ZNF804A: variants seen among roughly 807,000 people sequenced by gnomAD.
ZNF804A encodes the protein zinc finger protein 804A.
Under a neutral mutation model 16.5 loss-of-function variants are expected in ZNF804A, and 2 were observed. The ratio of observed to expected loss-of-function variants is 0.12; its 90% CI spans 0.05 to 0.38. ZNF804A has a LOEUF of 0.38. Ranked by LOEUF, ZNF804A falls within the 10% of genes least tolerant of loss-of-function variation. The probability of loss-of-function intolerance (pLI) is 0.99; values close to 1 mark genes in which losing one functional copy is unlikely to be tolerated. For synonymous variants in ZNF804A, 534 were observed against 489.6 expected (o/e 1.09, Z -1.20); for missense variants, 1,473 against 1,390.7 (o/e 1.06, Z -0.94).
rs1574207659 is a variant in ZNF804A at position 184,777,523 on chromosome 2, A to T, written c.112-88846A>T. On this transcript the variant is annotated intron_variant, in intron 1 of 3. Transcript: ENST00000302277. ...TTCACTTCTATCTTTACCTCATACC[A>T]ATGCCCAGTGTCCTAACTCTGAAAA... Among the ~76,000 whole-genome samples, 4 of 151,520 alleles carry T rather than the reference A, an allele frequency of 2.6e-5. No homozygotes were observed. In the East Asian group the frequency reaches 7.8e-4, roughly 30 times the overall value.
rs574409513 is a variant in ZNF804A at position 184,739,353 on chromosome 2, A to C, written c.112-127016A>C. Among the ~76,000 whole-genome samples the C allele has an allele frequency of 1.8e-4, 27 of 152,302 alleles. No individual in the cohort carries two copies. In the South Asian group the frequency reaches 5.2e-3, roughly 29 times the overall value. ...TTGGCTATTGTTAATAATTCCTGCC[A>C]TATGTTCTGTGATTAACAAATAAAA... On this transcript the variant is annotated intron_variant, in intron 1 of 3. Transcript: ENST00000302277.
intron 1 of ZNF804A, among the ~76,000 whole-genome samples, chr2:184,808,604 A>T (rs754758989): frequency 4.4e-4 from 66 of 151,636 alleles, no homozygotes; most frequent in Non-Finnish European, 7.8e-4. Flanking sequence ...AAATATTAAT[A>T]GATTATATTT....
intron 1 of ZNF804A, among the ~76,000 whole-genome samples, chr2:184,860,976 G>C (rs1022757871): frequency 6.6e-6 from 1 of 152,190 alleles, no homozygotes; most frequent in African/African-American, 2.4e-5. Context: ...CAGAGCCTGG[G>C]GCTACTGAGG....
chr2:184,736,772 GTTAA>G (rs1252382700), intron 1 of ZNF804A, among the ~76,000 whole-genome samples: 1 of 151,548 alleles, frequency 6.6e-6, no homozygotes, highest in African/African-American at 2.4e-5. Flanking sequence ...CTTAACAGTG[GTTAA>G]TTCGTTTTCT....
intron 2 of ZNF804A, among the ~76,000 whole-genome samples, chr2:184,875,235 C>A (rs998959347): frequency 2.2e-4 from 33 of 152,222 alleles, no homozygotes; most frequent in African/African-American, 7.7e-4. Flanking sequence ...GATATTTTTG[C>A]CCTTGGAATC....
At chr2:184,764,453 A>G (rs73978098) in intron 1 of ZNF804A, among the ~76,000 whole-genome samples, 11,441 of 152,134 alleles carry the variant, frequency 0.075, 1,465 homozygotes, top group African/African-American at 0.26. Context: ...GTAATTAACC[A>G]CAAAACACAC....
At chr2:184,869,206 T>C (rs745528703) in intron 2 of ZNF804A, among the ~76,000 whole-genome samples, 2 of 151,952 alleles carry the variant, frequency 1.3e-5, no homozygotes, top group Non-Finnish European at 2.9e-5. Flanking sequence ...ACCCATATAC[T>C]CAAAATCCAT....
At chr2:184,765,080 G>C (rs1694097841) in intron 1 of ZNF804A, among the ~76,000 whole-genome samples, 1 of 152,156 alleles carries the variant, frequency 6.6e-6, no homozygotes, top group Non-Finnish European at 1.5e-5. Flanking sequence ...ATTCTGAACT[G>C]TCTTTTCAAT....
intron 1 of ZNF804A, among the ~76,000 whole-genome samples, chr2:184,851,406 G>A (rs574734021): frequency 1.1e-4 from 17 of 151,780 alleles, no homozygotes; most frequent in Non-Finnish European, 2.1e-4. Context: ...ATGTTTTTAG[G>A]TTCCACGTAT....
chr2:184,804,860 G>A (rs768587205), intron 1 of ZNF804A, among the ~76,000 whole-genome samples: 4 of 152,112 alleles, frequency 2.6e-5, no homozygotes, highest in African/African-American at 4.8e-5. Context: ...CGTACACTTC[G>A]CTAGGATTAG....
At chr2:184,847,716 G>T (rs1218512561) in intron 1 of ZNF804A, among the ~76,000 whole-genome samples, 1 of 152,030 alleles carries the variant, frequency 6.6e-6, no homozygotes, top group Non-Finnish European at 1.5e-5. Flanking sequence ...CCATAAGACT[G>T]TTCCCATTTT....
intron 1 of ZNF804A, among the ~76,000 whole-genome samples, chr2:184,693,515 G>C (rs927551696): frequency 2.6e-5 from 4 of 152,116 alleles, no homozygotes; most frequent in African/African-American, 9.7e-5. Flanking sequence ...TTCAAAATAA[G>C]TATTCATATA....
chr2:184,804,020 G>A (rs1558966308), intron 1 of ZNF804A, among the ~76,000 whole-genome samples: 2 of 151,996 alleles, frequency 1.3e-5, no homozygotes, highest in Admixed American at 6.6e-5. Context: ...GCGCCAACAT[G>A]CCTGGCTAAT....
intron 1 of ZNF804A, among the ~76,000 whole-genome samples, chr2:184,611,449 A>T (rs911929137): frequency 2.0e-5 from 3 of 152,108 alleles, no homozygotes; most frequent in African/African-American, 7.2e-5. Flanking sequence ...ATTTAGCCCT[A>T]AATATTTATG....
Position 184,936,890 on chromosome 2 carries a change from A to T in ZNF804A, c.1494A>T (p.Ser498=). 6.2e-7 allele frequency: 1 copy of T among 1,613,670 alleles called. No homozygotes were observed. ...KQEDICMGPL[S]DYKDVSTEGL... ...AAGACATTTGCATGGGACCACTTTC[A>T]GATTACAAGGATGTATCTACAGAAG... The change falls in exon 4 of 4, where the codon TCA becomes TCT. Residue 498 remains serine, a synonymous_variant. Coordinates refer to ENST00000302277, the MANE Select transcript of ZNF804A (RefSeq NM_194250.2).
chr2:184,697,621 G>T (rs1004393387), intron 1 of ZNF804A, among the ~76,000 whole-genome samples: 1 of 152,030 alleles, frequency 6.6e-6, no homozygotes, highest in Non-Finnish European at 1.5e-5. Flanking sequence ...CATTTATCAA[G>T]ATATGATAAT....
At chr2:184,924,150 A>G (rs1685573854) in intron 2 of ZNF804A, among the ~76,000 whole-genome samples, 1 of 151,746 alleles carries the variant, frequency 6.6e-6, no homozygotes, top group African/African-American at 2.4e-5. Context: ...TAGGATTGCT[A>G]CTAGTTCTTT....
chr2:184,831,392 G>A (rs541730852), intron 1 of ZNF804A, among the ~76,000 whole-genome samples: 2 of 152,006 alleles, frequency 1.3e-5, no homozygotes, highest in East Asian at 3.9e-4. Flanking sequence ...TGTTGATTAT[G>A]TTATACAGAA....
intron 1 of ZNF804A, among the ~76,000 whole-genome samples, chr2:184,800,346 T>A (rs1215412821): frequency 6.8e-6 from 1 of 147,740 alleles, no homozygotes; most frequent in African/African-American, 2.5e-5. Flanking sequence ...TTATTTAGGG[T>A]TAAATTGTTC....
Sources: gnomAD v4.1 joint callset for allele counts (sites outside exome capture counted in the v4.1 genomes callset) on GRCh38, gnomAD v4.1.1 for gene constraint, MANE v1.5 for transcripts, NCBI Gene and HGNC (gene_info 2026-07-23, HGNC 2026-07-21) for gene names.